The following GRIK2 variants were observed in gnomAD, a reference collection of about 807,000 sequenced individuals.
GRIK2 encodes the protein glutamate ionotropic receptor kainate type subunit 2, also known as glutamate receptor ionotropic, kainate 2.
A neutral mutation model predicts 100.3 loss-of-function variants in GRIK2; 32 were observed. That is an observed-to-expected ratio of 0.32 (90% confidence interval 0.24 to 0.43). GRIK2 has a LOEUF of 0.43. Ranked by LOEUF, GRIK2 falls within the 20% of genes least tolerant of loss-of-function variation. The probability of loss-of-function intolerance (pLI) is 1.00; values close to 1 mark genes in which losing one functional copy is unlikely to be tolerated. For missense variants in GRIK2, 843 were observed against 1,114.9 expected, an observed-to-expected ratio of 0.76 and a Z score of 3.47; for synonymous variants, 417 against 389.4, an observed-to-expected ratio of 1.07 and a Z score of -0.83.
intron 7 of GRIK2, among the ~76,000 whole-genome samples, chr6:101,743,229 A>C (rs1776160869): frequency 6.6e-6 from 1 of 152,004 alleles, no homozygotes; most frequent in South Asian, 2.1e-4. Context: ...AACAACTTAA[A>C]CAATCGTTAC....
chr6:101,477,530 T>C (rs535454158), intron 2 of GRIK2, among the ~76,000 whole-genome samples: 35 of 152,316 alleles, frequency 2.3e-4, no homozygotes, highest in African/African-American at 7.9e-4. Flanking sequence ...TTCAAGCAAG[T>C]TGGCTACTTT....
intron 7 of GRIK2, among the ~76,000 whole-genome samples, chr6:101,726,737 T>G (rs959155752): frequency 2.0e-5 from 3 of 152,044 alleles, no homozygotes; most frequent in African/African-American, 7.2e-5. Context: ...TATCTTCTGT[T>G]TGGTCAAATT....
intron 2 of GRIK2, among the ~76,000 whole-genome samples, chr6:101,471,412 T>C (rs1287851810): frequency 6.6e-6 from 1 of 152,074 alleles, no homozygotes; most frequent in Non-Finnish European, 1.5e-5. Flanking sequence ...TTCACTATGA[T>C]TGGTGTCTAT....
intron 12 of GRIK2, among the ~76,000 whole-genome samples, chr6:101,895,614 A>G (rs1261061821): frequency 6.6e-6 from 1 of 151,780 alleles, no homozygotes; most frequent in Non-Finnish European, 1.5e-5. Flanking sequence ...TGGGATGTTC[A>G]GTGTTAAACT....
intron 12 of GRIK2, among the ~76,000 whole-genome samples, chr6:101,903,275 A>G (rs1788001399): frequency 6.6e-6 from 1 of 151,840 alleles, no homozygotes; most frequent in African/African-American, 2.4e-5. Flanking sequence ...TTGTTAGAAA[A>G]GTGATATTAT....
intron 2 of GRIK2, among the ~76,000 whole-genome samples, chr6:101,575,065 T>C (rs1040311047): frequency 6.6e-6 from 1 of 151,778 alleles, no homozygotes; most frequent in African/African-American, 2.4e-5. Flanking sequence ...AATATTGTCA[T>C]ATGATTTATT....
Position 101,452,163 on chromosome 6 carries a change from A to C in GRIK2, c.115+52771A>C, listed in dbSNP as rs552739240. ...TAGAAGCAGAGCATATGGGTATCTA[A>C]GAGAAGCATACGGATCTCCATATGT... On this transcript the variant is annotated intron_variant, in intron 2 of 16. Coordinates refer to ENST00000369134, the MANE Select transcript of GRIK2 (RefSeq NM_021956.5). Among the ~76,000 whole-genome samples the C allele has an allele frequency of 1.2e-3, 182 of 151,982 alleles. 1 individual carries two copies. Among genetic ancestry groups the C allele is most frequent in the African/African-American group, 4.1e-3 (172 of 41,542 alleles).
chr6:101,498,235 T>C (rs1201419827), intron 2 of GRIK2, among the ~76,000 whole-genome samples: 3 of 151,358 alleles, frequency 2.0e-5, no homozygotes, highest in Non-Finnish European at 1.5e-5. Context: ...CCATGGTGTA[T>C]ATGTGCCACA....
chr6:101,884,997 A>C (rs1786514683), intron 11 of GRIK2, among the ~76,000 whole-genome samples: 1 of 152,068 alleles, frequency 6.6e-6, no homozygotes, highest in Non-Finnish European at 1.5e-5. Flanking sequence ...AGGGAGGGAA[A>C]CTTTACCATT....
chr6:101,577,895 A>T (rs1214521308), intron 2 of GRIK2, among the ~76,000 whole-genome samples: 1 of 152,088 alleles, frequency 6.6e-6, no homozygotes, highest in East Asian at 1.9e-4. Flanking sequence ...GTTCCTGGGG[A>T]ATGGGGAATG....
At chr6:101,984,966 A>G (rs1038319798) in intron 14 of GRIK2, among the ~76,000 whole-genome samples, 5 of 151,618 alleles carry the variant, frequency 3.3e-5, no homozygotes, top group Non-Finnish European at 5.9e-5. Flanking sequence ...CCTTCTTCAC[A>G]TCTTATCTTC....
intron 2 of GRIK2, among the ~76,000 whole-genome samples, chr6:101,576,001 G>A (rs1777770448): frequency 6.6e-6 from 1 of 151,884 alleles, no homozygotes; most frequent in Admixed American, 6.6e-5. Flanking sequence ...CAACCAAGAT[G>A]TTTGAGTCTA....
chr6:101,537,734 A>G (rs1406439778), intron 2 of GRIK2, among the ~76,000 whole-genome samples: 1 of 151,832 alleles, frequency 6.6e-6, no homozygotes, highest in East Asian at 1.9e-4. Context: ...TGACCTCTAC[A>G]AATCATTAAT....
chr6:101,874,003 G>A (rs1269194566), intron 11 of GRIK2, among the ~76,000 whole-genome samples: 1 of 152,042 alleles, frequency 6.6e-6, no homozygotes, highest in Non-Finnish European at 1.5e-5. Context: ...TTAGCCCTTT[G>A]TCAGATGAGT....
intron 7 of GRIK2, among the ~76,000 whole-genome samples, chr6:101,712,338 G>T (rs887116998): frequency 5.9e-5 from 9 of 151,766 alleles, no homozygotes; most frequent in African/African-American, 2.2e-4. Flanking sequence ...CTTCTAACAA[G>T]ATCCTCAGTG....
At chr6:101,787,042 G>C (rs1246460888) in intron 7 of GRIK2, among the ~76,000 whole-genome samples, 1 of 151,720 alleles carries the variant, frequency 6.6e-6, no homozygotes, top group East Asian at 1.9e-4. Flanking sequence ...ATTCAATGTT[G>C]GTAGTAGGTT....
chr6:101,503,182 T>A (rs1267519286), intron 2 of GRIK2, among the ~76,000 whole-genome samples: 1 of 152,160 alleles, frequency 6.6e-6, no homozygotes, highest in African/African-American at 2.4e-5. Context: ...GTGTTTTTTT[T>A]GTTTTGTTTT....
chr6:101,443,893 T>A (rs1770221840), intron 2 of GRIK2, among the ~76,000 whole-genome samples: 1 of 151,970 alleles, frequency 6.6e-6, no homozygotes, highest in Non-Finnish European at 1.5e-5. Flanking sequence ...TTTTATTTTT[T>A]ATTTTTTTCA....
chr6:101,417,618 C>T (rs192592708), intron 2 of GRIK2, among the ~76,000 whole-genome samples: 209 of 152,332 alleles, frequency 1.4e-3, no homozygotes, highest in African/African-American at 4.5e-3. Context: ...ATCACTCCAC[C>T]TCCCCCTAAA....
Sources: gnomAD v4.1 joint callset for allele counts (sites outside exome capture counted in the v4.1 genomes callset) on GRCh38, gnomAD v4.1.1 for gene constraint, MANE v1.5 for transcripts, NCBI Gene and HGNC (gene_info 2026-07-23, HGNC 2026-07-21) for gene names.